The following ROS1 variants were observed in gnomAD, a reference collection of about 807,000 sequenced individuals.
ROS1 encodes ROS proto-oncogene 1, receptor tyrosine kinase.
Under a neutral mutation model 273.5 loss-of-function variants are expected in ROS1, and 263 were observed. That is an observed-to-expected ratio of 0.96 (90% confidence interval 0.87 to 1.06). The LOEUF (loss-of-function observed/expected upper bound fraction) is 1.06, where lower values mean the gene tolerates loss of function less well. ROS1 is among the 50% of genes least tolerant of loss of function. The pLI, the probability that ROS1 is intolerant of heterozygous loss-of-function variation, is 0.00. For synonymous variants in ROS1, 1,008 were observed against 954.1 expected, an observed-to-expected ratio of 1.06 and a Z score of -1.04; for missense variants, 2,833 against 2,751.1, an observed-to-expected ratio of 1.03 and a Z score of -0.67.
In ROS1 at chr6:117,287,823, G is replaced by A. The variant is rs1773543044; in HGVS notation, c.*669C>T. Among the ~76,000 whole-genome samples the A allele has an allele frequency of 2.6e-5, 4 of 151,688 alleles. No individual in the cohort carries two copies. In the South Asian group the frequency reaches 8.3e-4, roughly 32 times the overall value. ...TAATCCCAGCTACTTAGGAGGCTGA[G>A]GCACGAGAATTGCTTGAACCCAGGA... is the stretch of plus-strand genomic sequence containing the variant. On this transcript the variant is annotated 3_prime_UTR_variant, in exon 44 of 44. Coordinates refer to ENST00000368507, the MANE Select transcript of ROS1 (RefSeq NM_001378902.1).
intron 10 of ROS1, 120 bp downstream of exon 10, chr6:117,394,496 A>G (rs1773332262): frequency 2.3e-6 from 2 of 853,100 alleles, no homozygotes; most frequent in Non-Finnish European, 3.2e-6. Context: ...TTATTCTAAT[A>G]TATTAGGATA....
In ROS1 at chr6:117,301,123, G is replaced by C. The variant is rs140284927; in HGVS notation, c.6566C>G (p.Thr2189Ser). The C allele has an allele frequency of 1.3e-4, 204 of 1,586,252 alleles. 1 individual carries two copies. The highest frequency in any genetic ancestry group is 3.3e-4 in the Middle Eastern group (2 of 6,018). ...NCPDDLWNLMTQCWAQEPDQR... is the reference protein window; with the variant it reads ...NCPDDLWNLMSQCWAQEPDQR... ...GTCGGGTTCTTGAGCCCAGCACTGG[G>C]TCATTAAATTCCACCTAAATATATG... The change falls in exon 43 of 44, where the codon ACC (threonine) becomes AGC (serine). Residue 2189 changes from threonine to serine, a missense_variant. Coordinates refer to ENST00000368507, the MANE Select transcript of ROS1 (RefSeq NM_001378902.1).
chr6:117,338,127 A>C (rs951470020), intron 31 of ROS1, among the ~76,000 whole-genome samples: 1 of 152,106 alleles, frequency 6.6e-6, no homozygotes, highest in African/African-American at 2.4e-5. Flanking sequence ...AAAAGACAAA[A>C]AGATATGGCA....
chr6:117,366,321 T>C, intron 18 of ROS1, 31 bp from the exon 19 acceptor site: 1 of 1,553,550 alleles, frequency 6.4e-7, no homozygotes, highest in Non-Finnish European at 8.9e-7. Context: ...TTAGTGTGTG[T>C]TTCTGGAGTG....
intron 32 of ROS1, among the ~76,000 whole-genome samples, chr6:117,332,706 C>A (rs527831672): frequency 1.1e-4 from 17 of 152,286 alleles, no homozygotes; most frequent in African/African-American, 4.1e-4. Flanking sequence ...CAAAACCACA[C>A]AATTTCCTGG....
chr6:117,412,796 T>A (rs1191311103), intron 4 of ROS1, among the ~76,000 whole-genome samples: 1 of 152,160 alleles, frequency 6.6e-6, no homozygotes, highest in Non-Finnish European at 1.5e-5. Flanking sequence ...AGCATAATGA[T>A]TAACAAAGAA....
intron 27 of ROS1, among the ~76,000 whole-genome samples, chr6:117,345,742 T>C (rs1562296118): frequency 6.6e-6 from 1 of 152,208 alleles, no homozygotes; most frequent in African/African-American, 2.4e-5. Context: ...GACAATGGCC[T>C]GCTTTACAGA....
In ROS1 at chr6:117,310,171, T is replaced by C. The variant is rs150994413; in HGVS notation, c.6326A>G (p.Tyr2109Cys). Reference sequence around the variant, plus strand: ...GAGCAGGCCTTCCCCTCTCTTTCTATAGTAATCATTTTTATAGATGTCTCT... The same window carrying C: ...GAGCAGGCCTTCCCCTCTCTTTCTACAGTAATCATTTTTATAGATGTCTCT... ...LARDIYKNDYYRKRGEGLLPV... is the reference protein window; with the variant it reads ...LARDIYKNDYCRKRGEGLLPV... The change falls in exon 41 of 44, where the codon TAT becomes TGT. Residue 2109 changes from tyrosine to cysteine, a missense_variant. Physicochemically the swap from Tyr to Cys is radical, Grantham distance 194 (BLOSUM62 -2). Transcript: ENST00000368507. 3.3e-5 allele frequency: 54 copies of C among 1,613,424 alleles called. No individual in the cohort carries two copies. The East Asian group carries it at 1.0e-3, about 31-fold the overall frequency.
At chr6:117,326,608 G>A (rs1776664426) in intron 33 of ROS1, among the ~76,000 whole-genome samples, 194 bp from the exon 34 acceptor site, 1 of 151,904 alleles carries the variant, frequency 6.6e-6, no homozygotes, top group Non-Finnish European at 1.5e-5. Context: ...GTGAGGCATG[G>A]AGCCAATTAA....
intron 41 of ROS1, 73 bp downstream of exon 41, chr6:117,310,008 T>A (rs1448236420): frequency 7.6e-7 from 1 of 1,318,636 alleles, no homozygotes; most frequent in African/African-American, 1.5e-5. Flanking sequence ...AAAGCAAGAT[T>A]AGATGTCCTT....
At chr6:117,382,779 A>T (rs1319192448) in intron 17 of ROS1, among the ~76,000 whole-genome samples, 1 of 152,122 alleles carries the variant, frequency 6.6e-6, no homozygotes. Flanking sequence ...CCCACTCCTC[A>T]TGAATACTCT....
chr6:117,334,879 A>AAAAACCAAAACCT (rs1777352976), intron 32 of ROS1, among the ~76,000 whole-genome samples: 2 of 152,236 alleles, frequency 1.3e-5, no homozygotes, highest in Admixed American at 1.3e-4. Context: ...AACCAAAACC[A>AAAAACCAAAACCT]TAAAAACCCT....
chr6:117,366,834 A>G (rs982101629), intron 18 of ROS1, among the ~76,000 whole-genome samples: 14 of 152,110 alleles, frequency 9.2e-5, no homozygotes, highest in African/African-American at 3.4e-4. Flanking sequence ...TATTAATGTG[A>G]TATTGCAATA....
At chr6:117,308,735 A>C (rs1031566533) in intron 42 of ROS1, 59 bp downstream of exon 42, 6 of 1,556,580 alleles carry the variant, frequency 3.9e-6, no homozygotes, top group Non-Finnish European at 5.2e-6. Context: ...AAGAGGCCTA[A>C]GATTGTATGT....
chr6:117,300,479 A>C (rs144743466), intron 43 of ROS1, among the ~76,000 whole-genome samples: 1 of 152,200 alleles, frequency 6.6e-6, no homozygotes, highest in Non-Finnish European at 1.5e-5. Context: ...AAAACATACA[A>C]ATGAAAAGAT....
chr6:117,401,318 C>T (rs1341350302), intron 7 of ROS1, among the ~76,000 whole-genome samples: 2 of 152,060 alleles, frequency 1.3e-5, no homozygotes, highest in African/African-American at 4.8e-5. Context: ...TGAACAAGTC[C>T]CTCCCCTCCT....
At chr6:117,340,997 C>T (rs1242653222) in intron 31 of ROS1, 138 bp downstream of exon 31, 2 of 615,756 alleles carry the variant, frequency 3.2e-6, no homozygotes, top group Non-Finnish European at 5.5e-6. Context: ...TAACTCACTG[C>T]TTCTGCATGC....
chr6:117,362,699 G>T lies in ROS1; in HGVS notation c.3270C>A (p.Asn1090Lys). ...CAGCAATCCAGTCTTCACATGTTTT[G>T]TTTGTAATACTTTGATTGGATATAT... The part of the protein sequence containing the change: ...FYNISNQSIT[N>K]KTCEDWIAVN... The change falls in exon 22 of 44, where the codon AAC becomes AAA. Residue 1090 changes from asparagine (N) to lysine (K), a missense_variant. Physicochemically the swap from Asn to Lys is moderately conservative, Grantham distance 94. Coordinates refer to ENST00000368507, the MANE Select transcript of ROS1 (RefSeq NM_001378902.1). The T allele has an allele frequency of 6.2e-7, 1 of 1,613,336 alleles. No individual in the cohort carries two copies.
intron 4 of ROS1, among the ~76,000 whole-genome samples, chr6:117,413,119 T>C (rs1054382912): frequency 2.0e-5 from 3 of 152,146 alleles, no homozygotes; most frequent in African/African-American, 7.2e-5. Flanking sequence ...TGAGAAAACA[T>C]GCCAATTTAA....
Sources: gnomAD v4.1 joint callset for allele counts (sites outside exome capture counted in the v4.1 genomes callset) on GRCh38, gnomAD v4.1.1 for gene constraint, MANE v1.5 for transcripts, NCBI Gene and HGNC (gene_info 2026-07-23, HGNC 2026-07-21) for gene names.